PPFIA2: variants seen among roughly 807,000 people sequenced by gnomAD.
PPFIA2 encodes the protein liprin-alpha-2.
PPFIA2 carries 46 observed loss-of-function variants against 175.5 expected under a neutral mutation model. The ratio of observed to expected loss-of-function variants is 0.26; its 90% confidence interval spans 0.21 to 0.34. The LOEUF is 0.34. Among genes scored for constraint, PPFIA2 ranks in the 10% least tolerant of loss-of-function variants. The pLI, the probability that PPFIA2 is intolerant of heterozygous loss-of-function variation, is 1.00. For missense variants in PPFIA2, 1,179 were observed against 1,506.1 expected (o/e 0.78, Z 3.60); for synonymous variants, 568 against 511.4 (o/e 1.11, Z -1.49).
intron 3 of PPFIA2, among the ~76,000 whole-genome samples, chr12:81,723,826 C>A (rs2079675847): frequency 6.6e-6 from 1 of 150,864 alleles, no homozygotes; most frequent in Admixed American, 6.6e-5. Context: ...TGCTTTATAT[C>A]TGAAAGCATA....
chr12:81,662,461 T>C (rs1208437157), intron 4 of PPFIA2, among the ~76,000 whole-genome samples: 4 of 152,104 alleles, frequency 2.6e-5, no homozygotes, highest in African/African-American at 9.7e-5. Flanking sequence ...AAGAAATGGA[T>C]AAATTCCTCG....
chr12:81,502,958 A>G (rs549567869), intron 4 of PPFIA2, among the ~76,000 whole-genome samples: 118 of 152,198 alleles, frequency 7.8e-4, no homozygotes, highest in Admixed American at 1.4e-3. Flanking sequence ...CCTCCATCAA[A>G]AGCCGTATGT....
chr12:81,507,926 T>C (rs2061350753), intron 4 of PPFIA2, among the ~76,000 whole-genome samples: 1 of 152,168 alleles, frequency 6.6e-6, no homozygotes, highest in Non-Finnish European at 1.5e-5. Flanking sequence ...CCCTATCACA[T>C]AACCAAAAGT....
At chr12:81,659,932 C>A in intron 4 of PPFIA2, among the ~76,000 whole-genome samples, 1 of 152,154 alleles carries the variant, frequency 6.6e-6, no homozygotes, top group Admixed American at 6.6e-5. Flanking sequence ...ACGCTCCAGG[C>A]AAACAGGGTT....
chr12:81,317,581 C>G (rs1167974472), intron 22 of PPFIA2, among the ~76,000 whole-genome samples: 1 of 151,286 alleles, frequency 6.6e-6, no homozygotes, highest in Non-Finnish European at 1.5e-5. Context: ...AGAATTAGGA[C>G]AAGGAAGAGC....
chr12:81,493,752 GTC>G (rs1295608097), intron 4 of PPFIA2, among the ~76,000 whole-genome samples: 2 of 65,234 alleles, frequency 3.1e-5, no homozygotes, highest in African/African-American at 1.3e-4. Context: ...GTGTGTGTGT[GTC>G]TATATATATA....
chr12:81,606,203 C>T (rs137859336), intron 4 of PPFIA2, among the ~76,000 whole-genome samples: 86 of 152,056 alleles, frequency 5.7e-4, no homozygotes, highest in African/African-American at 1.8e-3. Flanking sequence ...AGCACATTTT[C>T]GCTATCCAGT....
chr12:81,419,479 T>C (rs1170900884), intron 7 of PPFIA2, among the ~76,000 whole-genome samples: 3 of 152,130 alleles, frequency 2.0e-5, no homozygotes, highest in Non-Finnish European at 4.4e-5. Context: ...GATATTGCCC[T>C]TGTATACACG....
At chr12:81,316,518 T>C (rs990461215) in intron 22 of PPFIA2, among the ~76,000 whole-genome samples, 7 of 151,660 alleles carry the variant, frequency 4.6e-5, no homozygotes, top group African/African-American at 1.7e-4. Context: ...ACATGGTTTA[T>C]TTATTAGGGA....
At chr12:81,568,340 G>A (rs1427852104) in intron 4 of PPFIA2, among the ~76,000 whole-genome samples, 3 of 152,182 alleles carry the variant, frequency 2.0e-5, no homozygotes, top group African/African-American at 7.2e-5. Flanking sequence ...ACTGTCCCTT[G>A]TTTGTCTGAT....
chr12:81,480,058 T>C (rs2058019077), intron 4 of PPFIA2, among the ~76,000 whole-genome samples: 1 of 152,168 alleles, frequency 6.6e-6, no homozygotes, highest in African/African-American at 2.4e-5. Flanking sequence ...CAAACGTAGG[T>C]TTGGTCTTTT....
intron 3 of PPFIA2, among the ~76,000 whole-genome samples, chr12:81,737,482 C>T (rs1314195877): frequency 1.3e-5 from 2 of 151,934 alleles, no homozygotes; most frequent in Admixed American, 6.6e-5. Flanking sequence ...TCTCCTAGAA[C>T]TAAAATGACT....
At chr12:81,748,048 C>CCAA in intron 3 of PPFIA2, among the ~76,000 whole-genome samples, 1 of 144,318 alleles carries the variant, frequency 6.9e-6, no homozygotes, top group East Asian at 2.1e-4. Flanking sequence ...AAGTGACTTT[C>CCAA]CAATGGTCCT....
In PPFIA2 at chr12:81,375,826, C is replaced by G; in HGVS notation, c.1101G>C (p.Glu367Asp). The part of the protein sequence containing the change: ...IHDMNDKLEN[E>D]LANKEAILRQ... ...GCAGGATAGCTTCTTTATTTGCTAA[C>G]TCATTTTCTAGTTTATCATTCATGT... The change falls in exon 10 of 33, where the codon GAG (glutamate) becomes GAC (aspartate). Residue 367 changes from glutamate to aspartate, a missense_variant. Glu to Asp is a conservative substitution (Grantham distance 45). Coordinates refer to ENST00000549396, the MANE Select transcript of PPFIA2 (RefSeq NM_003625.5). The G allele has an allele frequency of 6.2e-7, 1 of 1,609,962 alleles. No individual in the cohort carries two copies. The highest frequency in any genetic ancestry group is 8.5e-7 in the Non-Finnish European group (1 of 1,176,600).
chr12:81,664,928 A>AT (rs1163982570), intron 4 of PPFIA2, among the ~76,000 whole-genome samples: 6 of 152,116 alleles, frequency 3.9e-5, no homozygotes, highest in Non-Finnish European at 7.3e-5. Flanking sequence ...TCAGCAAACT[A>AT]TCACAAGGAC....
intron 16 of PPFIA2, among the ~76,000 whole-genome samples, chr12:81,355,605 A>C (rs1266231428): frequency 6.6e-6 from 1 of 152,186 alleles, no homozygotes. Flanking sequence ...ATCCTCATGA[A>C]TTATCGTAGC....
At chr12:81,310,246 C>T (rs1295729830) in intron 22 of PPFIA2, among the ~76,000 whole-genome samples, 2 of 152,088 alleles carry the variant, frequency 1.3e-5, no homozygotes, top group African/African-American at 4.8e-5. Context: ...GGAATTTAAA[C>T]TCTATCTTCT....
At chr12:81,443,820 A>G (rs2050688603) in intron 6 of PPFIA2, among the ~76,000 whole-genome samples, 1 of 145,538 alleles carries the variant, frequency 6.9e-6, no homozygotes, top group African/African-American at 2.6e-5. Flanking sequence ...TCATTCTTTA[A>G]TACCTAGATC....
At chr12:81,642,980 A>ATG (rs1555550246) in intron 4 of PPFIA2, among the ~76,000 whole-genome samples, 6 of 145,078 alleles carry the variant, frequency 4.1e-5, no homozygotes, top group African/African-American at 1.5e-4. Context: ...TAAATTATAT[A>ATG]TCTCTTATGT....
Sources: gnomAD v4.1 joint callset for allele counts (sites outside exome capture counted in the v4.1 genomes callset) on GRCh38, gnomAD v4.1.1 for gene constraint, MANE v1.5 for transcripts, NCBI Gene and HGNC (gene_info 2026-07-23, HGNC 2026-07-21) for gene names.